Variants in CTNNB1 observed in about 807,000 individuals in gnomAD.
The protein encoded by CTNNB1 is catenin beta-1.
A neutral mutation model predicts 82.5 loss-of-function variants in CTNNB1; 6 were observed. The ratio of observed to expected loss-of-function variants is 0.07; its 90% CI spans 0.04 to 0.14. The LOEUF (loss-of-function observed/expected upper bound fraction) is 0.14. Among genes scored for constraint, CTNNB1 ranks in the 10% least tolerant of loss-of-function variants. The pLI, the probability that CTNNB1 is intolerant of heterozygous loss-of-function variation, is 1.00. For missense variants in CTNNB1, 529 were observed against 980.4 expected, an observed-to-expected ratio of 0.54 and a Z score of 6.15; for synonymous variants, 312 against 329.7, an observed-to-expected ratio of 0.95 and a Z score of 0.58.
At chr3:41,210,906 C>G in intron 1 of CTNNB1, 1 of 398,216 alleles carries the variant, frequency 2.5e-6, no homozygotes, top group Admixed American at 2.7e-5. Context: ...CCTCCTACCT[C>G]AGCCTCCCAA....
chr3:41,220,167 T>C (rs1418176276), intron 1 of CTNNB1, among the ~76,000 whole-genome samples: 1 of 152,132 alleles, frequency 6.6e-6, no homozygotes, highest in African/African-American at 2.4e-5. Flanking sequence ...CATACTAATT[T>C]TTCCCAGCCA....
At position 41,238,057 on chromosome 3, in the gene CTNNB1, C is replaced by T. The variant is rs1364710473; in HGVS notation, c.2118C>T (p.Pro706=). 7 of 1,613,776 alleles carry T rather than the reference C, an allele frequency of 4.3e-6. No individual in the cohort carries two copies. Among genetic ancestry groups the T allele is most frequent in the Middle Eastern group, 1.6e-4 (1 of 6,062 alleles). The change falls in exon 14 of 15, where the codon CCC becomes CCT. Residue 706 remains proline, a synonymous_variant. Transcript: ENST00000349496. ...TTGATATTGGTGCCCAGGGAGAACC[C>T]CTTGGATATCGCCAGGATGGTATGT... The part of the protein sequence containing the change: ...LGLDIGAQGE[P]LGYRQDDPSY...
In CTNNB1 at chr3:41,225,746, G is replaced by A. The variant is rs1233296947; in HGVS notation, c.821G>A (p.Arg274His). ...LHQEGAKMAV[R>H]LAGGLQKMVA... ...CAAGAAGGAGCTAAAATGGCAGTGCGTTTAGCTGGTGGGCTGCAGAAAATG... is the reference window on the plus strand; with the variant it reads ...CAAGAAGGAGCTAAAATGGCAGTGCATTTAGCTGGTGGGCTGCAGAAAATG... The change falls in exon 6 of 15, where the codon CGT becomes CAT. Residue 274 changes from arginine (R) to histidine (H), a missense_variant. By Grantham distance (29) the Arg-to-His change is conservative. This residue lies in a region of CTNNB1 where 411 missense variants were observed against 776.4 expected (regional missense o/e 0.53). Coordinates refer to ENST00000349496, the MANE Select transcript of CTNNB1 (RefSeq NM_001904.4). The surrounding 1 kb of genome is among the most constrained non-coding windows in gnomAD (Gnocchi z 5.3). 5 of 1,614,092 alleles carry A rather than the reference G, an allele frequency of 3.1e-6. No homozygotes were observed. The highest frequency in any genetic ancestry group is 1.7e-5 in the Admixed American group (1 of 60,016).
chr3:41,213,793 G>A (rs2077852664), intron 1 of CTNNB1, among the ~76,000 whole-genome samples: 1 of 152,166 alleles, frequency 6.6e-6, no homozygotes, highest in South Asian at 2.1e-4. Flanking sequence ...GAACAAAGAT[G>A]AGGGAATATT....
At chr3:41,233,318 T>G (rs1167015660) in intron 7 of CTNNB1, 23 bp from the exon 8 acceptor site, 1 of 1,604,900 alleles carries the variant, frequency 6.2e-7, no homozygotes, top group Admixed American at 1.7e-5. Context: ...GACTAGGGCC[T>G]TATATCCTTT....
intron 1 of CTNNB1, among the ~76,000 whole-genome samples, chr3:41,216,182 C>T (rs966129340): frequency 6.6e-6 from 1 of 152,110 alleles, no homozygotes; most frequent in South Asian, 2.1e-4. Flanking sequence ...TATGAGGTTG[C>T]TAGGAAGATT....
chr3:41,234,003 TA>T (rs749169724), intron 9 of CTNNB1, 135 bp from the exon 10 acceptor site: 4 of 1,422,412 alleles, frequency 2.8e-6, no homozygotes, highest in Admixed American at 1.7e-5. Context: ...ATGGCTGCGA[TA>T]GGGGTAAGAT....
chr3:41,220,899 G>T (rs1437950735), intron 1 of CTNNB1: 1 of 152,150 alleles, frequency 6.6e-6, no homozygotes, highest in Non-Finnish European at 1.5e-5. Context: ...AATAACTTCA[G>T]TGTGAAATCT....
At chr3:41,201,304 G>C (rs1046807888) in intron 1 of CTNNB1, among the ~76,000 whole-genome samples, 2 of 152,036 alleles carry the variant, frequency 1.3e-5, no homozygotes, top group Admixed American at 6.5e-5. Context: ...CTAAGGCTGT[G>C]CGGAATTTAT....
Position 41,239,405 on chromosome 3 carries a change from C to CA in CTNNB1, c.*64dup. On this transcript the variant is annotated 3_prime_UTR_variant, in exon 15 of 15. Transcript: ENST00000349496. ...GGGTAAAATACTTTTACTCTGCCTA[C>CA]AGAACTTCAGAAAGACTTGGTTGGT... The CA allele has an allele frequency of 7.0e-7, 1 of 1,430,082 alleles. No individual in the cohort carries two copies. Among genetic ancestry groups the CA allele is most frequent in the Non-Finnish European group, 9.7e-7 (1 of 1,033,758 alleles). The allele number at this position is 1,430,082 out of a possible 1,614,324, so 88.6% of individuals were successfully genotyped here.
intron 14 of CTNNB1, among the ~76,000 whole-genome samples, 161 bp from the exon 15 acceptor site, chr3:41,238,973 A>C (rs1395364414): frequency 6.6e-6 from 1 of 152,176 alleles, no homozygotes; most frequent in African/African-American, 2.4e-5. Context: ...TACTTGGCTA[A>C]AGAAAGCTGG....
intron 1 of CTNNB1, chr3:41,200,297 TCTA>T (rs1262184061): frequency 2.6e-5 from 4 of 152,190 alleles, no homozygotes; most frequent in Admixed American, 2.6e-4. Flanking sequence ...GCAACTAAAC[TCTA>T]AGTGCAGCGG....
At chr3:41,236,754 A>C in intron 13 of CTNNB1, 45 bp downstream of exon 13, 2 of 1,612,898 alleles carry the variant, frequency 1.2e-6, no homozygotes, top group Non-Finnish European at 1.7e-6. Context: ...TTCCTAGAGC[A>C]GGTATGGCAG....
chr3:41,235,549 C>A (rs11564465), intron 10 of CTNNB1, 175 bp from the exon 11 acceptor site: 1 of 760,850 alleles, frequency 1.3e-6, no homozygotes, highest in Non-Finnish European at 2.2e-6. Flanking sequence ...ATTAGTGCTG[C>A]CAGGAGGCCT....
At chr3:41,237,859 G>A (rs1193367410) in intron 13 of CTNNB1, 157 bp from the exon 14 acceptor site, 11 of 672,534 alleles carry the variant, frequency 1.6e-5, no homozygotes, top group Admixed American at 7.0e-5. Context: ...TTTGAGGTGT[G>A]GAGTTTTGAA....
intron 13 of CTNNB1, chr3:41,236,988 CA>C (rs940100257): frequency 1.7e-6 from 1 of 576,004 alleles, no homozygotes; most frequent in African/African-American, 1.9e-5. Context: ...GAAGATTTTT[CA>C]AAAGGATGTA....
At chr3:41,205,873 G>A (rs2077636846) in intron 1 of CTNNB1, among the ~76,000 whole-genome samples, 1 of 152,102 alleles carries the variant, frequency 6.6e-6, no homozygotes, top group Non-Finnish European at 1.5e-5. Context: ...AATCCTAAAG[G>A]CGTCTCACCC....
At chr3:41,224,255 C>G in intron 2 of CTNNB1, 174 bp downstream of exon 2, 1 of 821,396 alleles carries the variant, frequency 1.2e-6, no homozygotes, top group Non-Finnish European at 2.1e-6. Context: ...AACAAGCCAC[C>G]AGCAGGAATC....
chr3:41,240,357 A>G lies in CTNNB1; in HGVS notation c.*1015A>G, dbSNP rs1227106093. The G allele has an allele frequency of 5.3e-6, 1 of 188,200 alleles. No individual in the cohort carries two copies. The highest frequency in any genetic ancestry group is 1.1e-5 in the Non-Finnish European group (1 of 89,064). 11.7% of individuals were successfully genotyped at this position (188,200 alleles called of 1,614,324 possible). A position where few individuals can be genotyped will look rare whatever the true frequency, so the allele number is the denominator to read the frequency against. ...CAGTTTACCAGTTGCCTTTTATCCC[A>G]AAGTTGTTGTAACCTGCTGTGATAC... On this transcript the variant is annotated 3_prime_UTR_variant, in exon 15 of 15. Transcript: ENST00000349496.
Sources: gnomAD v4.1 joint callset for allele counts (sites outside exome capture counted in the v4.1 genomes callset) on GRCh38, gnomAD v4.1.1 for gene constraint, gnomAD v4.1.1 regional missense constraint, Gnocchi (gnomAD v3.1) non-coding constraint, MANE v1.5 for transcripts, NCBI Gene and HGNC (gene_info 2026-07-23, HGNC 2026-07-21) for gene names.